The following OSTM1 variants were observed in gnomAD, a reference collection of about 807,000 sequenced individuals.
The protein encoded by OSTM1 is osteoclastogenesis associated transmembrane protein 1, also known as osteopetrosis-associated transmembrane protein 1.
OSTM1 carries 26 observed loss-of-function variants against 35.4 expected under a neutral mutation model. That is an observed-to-expected ratio of 0.73 (90% confidence interval 0.54 to 1.02). The LOEUF (loss-of-function observed/expected upper bound fraction) is 1.02, where lower values mean the gene tolerates loss of function less well. Among genes scored for constraint, OSTM1 ranks in the 50% least tolerant of loss-of-function variants. The pLI is 0.00. For synonymous variants in OSTM1, 181 were observed against 165.0 expected (o/e 1.10, Z -0.75); for missense variants, 366 against 409.6 (o/e 0.89, Z 0.92).
Position 108,074,566 on chromosome 6 carries a change from G to A in OSTM1, c.86C>T (p.Ala29Val). 2 of 1,560,492 alleles carry A rather than the reference G, an allele frequency of 1.3e-6. No individual in the cohort carries two copies. The highest frequency in any genetic ancestry group is 1.7e-6 in the Non-Finnish European group (2 of 1,156,128). ...GCTGCCGAAGGGGAGCGCGCCCAGG[G>A]CCAGCCCCGACCACAGCAGCAGCCC... ...PLGLLLWSGL[A>V]LGALPFGSSP... Residue 29 changes from alanine to valine, a missense_variant, in exon 1 of 6, where the codon GCC becomes GTC. Around this residue, in one of 3 missense-constraint regions of OSTM1, gnomAD observed 236 missense variants for 239.3 expected, o/e 0.99. Coordinates refer to ENST00000193322, the MANE Select transcript of OSTM1 (RefSeq NM_014028.4).
At chr6:108,045,732 T>C (rs187118649) in intron 5 of OSTM1, among the ~76,000 whole-genome samples, 47 of 152,326 alleles carry the variant, frequency 3.1e-4, no homozygotes, top group Non-Finnish European at 5.9e-4. Context: ...CATGGCTATT[T>C]GGCTTGGTAA....
At chr6:108,070,725 A>G (rs1340310608) in intron 1 of OSTM1, among the ~76,000 whole-genome samples, 2 of 151,838 alleles carry the variant, frequency 1.3e-5, no homozygotes, top group African/African-American at 2.4e-5. Flanking sequence ...CCCTGTCTCT[A>G]CTAAAAATAC....
chr6:108,068,441 G>C (rs1192779892), intron 1 of OSTM1, among the ~76,000 whole-genome samples: 1 of 151,988 alleles, frequency 6.6e-6, no homozygotes, highest in South Asian at 2.1e-4. Flanking sequence ...AATGATCTTC[G>C]CCCACTAAAC....
chr6:108,053,791 T>C (rs1460085963), intron 3 of OSTM1, among the ~76,000 whole-genome samples: 4 of 152,178 alleles, frequency 2.6e-5, no homozygotes, highest in Non-Finnish European at 1.5e-5. Context: ...TCAAGGAAAT[T>C]CATAATTCAG....
chr6:108,042,696 G>C lies in OSTM1; in HGVS notation c.*2089C>G, dbSNP rs578057828. 6 of 152,240 alleles carry C rather than the reference G, an allele frequency of 3.9e-5. No homozygotes were observed. The East Asian group carries it at 9.6e-4, about 24-fold the overall frequency. 9.4% of individuals were successfully genotyped at this position (152,240 alleles called of 1,614,324 possible). ...CAAAGTGCTGCAAATACAGGTATGA[G>C]ACACTGTGTCCAGCTGATGGTACTC... is the stretch of plus-strand genomic sequence containing the variant. On this transcript the variant is annotated 3_prime_UTR_variant, in exon 6 of 6. Transcript: ENST00000193322.
rs776854329 is a variant in OSTM1 at position 108,049,353 on chromosome 6, C to G, written c.849G>C (p.Val283=). The change falls in exon 5 of 6, where the codon GTG becomes GTC. Residue 283 remains valine (V), a synonymous_variant. Coordinates refer to ENST00000193322, the MANE Select transcript of OSTM1 (RefSeq NM_014028.4). ...TGAACACAGAAACAGCAATTACAGG[C>G]ACTGTGTCACTGCAAGGGACTGAAC... ...FNCSVPCSDT[V]PVIAVSVFIL... is the part of the protein sequence containing the mutation. 1 of 1,612,578 alleles carries G rather than the reference C, an allele frequency of 6.2e-7. No homozygotes were observed. The highest frequency in any genetic ancestry group is 8.5e-7 in the Non-Finnish European group (1 of 1,178,654).
At chr6:108,048,060 A>C (rs1772010793) in intron 5 of OSTM1, among the ~76,000 whole-genome samples, 1 of 152,190 alleles carries the variant, frequency 6.6e-6, no homozygotes, top group Non-Finnish European at 1.5e-5. Flanking sequence ...TAATAAATAC[A>C]CCCATGACAA....
chr6:108,053,503 C>T (rs1265608630), intron 3 of OSTM1, among the ~76,000 whole-genome samples: 3 of 152,160 alleles, frequency 2.0e-5, no homozygotes, highest in Non-Finnish European at 4.4e-5. Flanking sequence ...GAAATGTTCA[C>T]CTAATTTTTT....
chr6:108,060,372 A>T (rs554346783), intron 2 of OSTM1, among the ~76,000 whole-genome samples: 4 of 152,180 alleles, frequency 2.6e-5, no homozygotes, highest in Non-Finnish European at 5.9e-5. Flanking sequence ...TTTCTTTTCA[A>T]CTAACTGGGG....
intron 1 of OSTM1, among the ~76,000 whole-genome samples, chr6:108,072,055 CAT>C (rs1380477630): frequency 2.6e-5 from 4 of 152,198 alleles, no homozygotes; most frequent in African/African-American, 7.2e-5. Context: ...TACCTACACA[CAT>C]GAGAAAAGCA....
intron 5 of OSTM1, among the ~76,000 whole-genome samples, chr6:108,045,369 T>C (rs903469632): frequency 6.6e-6 from 1 of 151,752 alleles, no homozygotes. Flanking sequence ...CTTGACATCA[T>C]GCCACTAATT....
chr6:108,068,384 T>C (rs1582398598), intron 1 of OSTM1, among the ~76,000 whole-genome samples: 1 of 152,198 alleles, frequency 6.6e-6, no homozygotes, highest in African/African-American at 2.4e-5. Flanking sequence ...TATATCCACT[T>C]AGAAAGCTCA....
At chr6:108,058,208 C>T (rs951830060) in intron 2 of OSTM1, among the ~76,000 whole-genome samples, 2 of 152,040 alleles carry the variant, frequency 1.3e-5, no homozygotes, top group African/African-American at 4.8e-5. Context: ...GAGAAACCTA[C>T]TAAATTATCA....
rs188471666 is a variant in OSTM1, at chr6:108,069,490, G to T, written c.402+4760C>A. ...ATACACAGATACATAGATAGATAGA[G>T]ATAGATAGGTAGATGGATGGATCTA... is the stretch of plus-strand genomic sequence containing the variant. On this transcript the variant is annotated intron_variant, in intron 1 of 5. Coordinates refer to ENST00000193322, the MANE Select transcript of OSTM1 (RefSeq NM_014028.4). Among the ~76,000 whole-genome samples the T allele has an allele frequency of 2.6e-5, 4 of 152,250 alleles. No individual in the cohort carries two copies. The East Asian group carries it at 7.7e-4, about 29-fold the overall frequency.
At chr6:108,064,324 A>C in intron 1 of OSTM1, 25 bp from the exon 2 acceptor site, 1 of 1,229,924 alleles carries the variant, frequency 8.1e-7, no homozygotes, top group East Asian at 2.3e-5. Context: ...AGACAGAAAA[A>C]TACAATCTGA....
chr6:108,047,847 AT>A (rs1053350989), intron 5 of OSTM1, among the ~76,000 whole-genome samples: 4 of 152,266 alleles, frequency 2.6e-5, no homozygotes, highest in Non-Finnish European at 5.9e-5. Context: ...AAAAATCCTG[AT>A]CAGAAGCAGT....
rs1772038911 is a variant in OSTM1, at chr6:108,049,413, G to A, written c.789C>T (p.Asn263=). The A allele has an allele frequency of 6.2e-7, 1 of 1,613,348 alleles. No individual in the cohort carries two copies. The highest frequency in any genetic ancestry group is 8.5e-7 in the Non-Finnish European group (1 of 1,179,404). ...TTCGACTCCATAGTTTTCGAGTGAT[G>A]TTCATCTGGAACAAGAGCAAACAAT... ...HLCIDVEDAM[N]ITRKLWSRTF... is the part of the protein sequence containing the mutation. The change falls in exon 5 of 6, where the codon AAC becomes AAT. Residue 263 remains asparagine, a synonymous_variant. Transcript: ENST00000193322.
At chr6:108,054,927 C>G (rs915643051) in intron 2 of OSTM1, among the ~76,000 whole-genome samples, 3 of 152,084 alleles carry the variant, frequency 2.0e-5, no homozygotes, top group African/African-American at 4.8e-5. Context: ...GACTGTTTAC[C>G]CTGCATTAAT....
At chr6:108,046,727 G>A (rs1298596665) in intron 5 of OSTM1, among the ~76,000 whole-genome samples, 2 of 152,122 alleles carry the variant, frequency 1.3e-5, no homozygotes, top group South Asian at 2.1e-4. Context: ...TAAAATAAAG[G>A]GAAAACTTAA....
Sources: allele counts gnomAD v4.1 joint callset (sites outside exome capture counted in the v4.1 genomes callset), GRCh38; gene constraint gnomAD v4.1.1; regional missense constraint gnomAD v4.1.1; transcripts MANE v1.5; gene names NCBI Gene and HGNC (gene_info 2026-07-23, HGNC 2026-07-21).